PPP6R2: variants seen among roughly 807,000 people sequenced by gnomAD.
PPP6R2 encodes the protein serine/threonine-protein phosphatase 6 regulatory subunit 2.
PPP6R2 carries 62 observed loss-of-function variants against 100.2 expected under a neutral mutation model. The observed-to-expected ratio is 0.62, with a 90% CI of 0.50 to 0.76. The LOEUF (loss-of-function observed/expected upper bound fraction) is 0.76, where lower values mean the gene tolerates loss of function less well. Among genes scored for constraint, PPP6R2 ranks in the 30% least tolerant of loss-of-function variants. PPP6R2 has a pLI of 0.00. For synonymous variants in PPP6R2, 525 were observed against 514.7 expected (o/e 1.02, Z -0.27); for missense variants, 1,142 against 1,276.3 (o/e 0.89, Z 1.60).
intron 2 of PPP6R2, among the ~76,000 whole-genome samples, chr22:50,384,406 T>C (rs2053764832): frequency 6.6e-6 from 1 of 151,972 alleles, no homozygotes; most frequent in Admixed American, 6.6e-5. Context: ...ATACAAAAAA[T>C]TAGCCGGGCG....
At chr22:50,356,945 A>G (rs1001843667) in intron 1 of PPP6R2, among the ~76,000 whole-genome samples, 3 of 149,668 alleles carry the variant, frequency 2.0e-5, no homozygotes, top group Non-Finnish European at 3.0e-5. Flanking sequence ...AAAAAAAAAC[A>G]AAAAAGCAAA....
Position 50,414,517 on chromosome 22 carries a change from G to A in PPP6R2, c.415-35G>A, listed in dbSNP as rs112469569. On this transcript the variant is annotated intron_variant, in intron 4 of 23. Transcript: ENST00000612753. ...GAGGTGTCTCAGGGTTGTCAGGGTC[G>A]GCCCCGCCTGCCTCTCAGGTGTGTG... 6.8e-5 allele frequency: 110 copies of A among 1,607,116 alleles called. 1 individual carries two copies. Among genetic ancestry groups the A allele is most frequent in the African/African-American group, 5.9e-4 (44 of 74,878 alleles).
Position 50,444,551 on chromosome 22 carries a change from AGG to A in PPP6R2, c.*305_*306del. ...GGGTGGGGGTGGGGGTGGGGGGGGC[AGG>A]ACCCTGAGATGCCACCAGGACCTGA... On this transcript the variant is annotated 3_prime_UTR_variant, in exon 24 of 24. Transcript: ENST00000612753. 1 of 360,216 alleles carries A rather than the reference AGG, an allele frequency of 2.8e-6. No individual in the cohort carries two copies. The highest frequency in any genetic ancestry group is 5.0e-6 in the Non-Finnish European group (1 of 200,868). The allele number at this position is 360,216 out of a possible 1,614,324, so 22.3% of individuals were successfully genotyped here.
intron 3 of PPP6R2, 61 bp from the exon 4 acceptor site, chr22:50,406,600 TGCTTCCTAAGAAGCAGACTATGTAAGCA>T: frequency 4.7e-6 from 6 of 1,267,944 alleles, no homozygotes; most frequent in Non-Finnish European, 6.7e-6. Context: ...CACGTGGGTC[TGCTTCCTAAGAAGCAGACTATGTAAGCA>T]GCTTCCTAAG....
In PPP6R2 at chr22:50,431,306, C is replaced by T. The variant is rs556410526; in HGVS notation, c.1259C>T (p.Pro420Leu). The T allele has an allele frequency of 1.7e-5, 28 of 1,613,328 alleles. No individual in the cohort carries two copies. The highest frequency in any genetic ancestry group is 1.1e-4 in the African/African-American group (8 of 75,048). Reference sequence around the variant, plus strand: ...GGATCCGAGAGCAGGGTGGAGCCTCCGCATGAGAACGGGAACCGGAGCCTG... The same window carrying T: ...GGATCCGAGAGCAGGGTGGAGCCTCTGCATGAGAACGGGAACCGGAGCCTG... ...ASGSESRVEPPHENGNRSLET... is the reference protein window; with the variant it reads ...ASGSESRVEPLHENGNRSLET... The change falls in exon 11 of 24, where the codon CCG becomes CTG. Residue 420 changes from proline to leucine, a missense_variant. Transcript: ENST00000612753. The surrounding 1 kb of genome is among the most constrained non-coding windows in gnomAD (Gnocchi z 4.8).
At chr22:50,364,777 T>G (rs2048411914) in intron 1 of PPP6R2, among the ~76,000 whole-genome samples, 1 of 152,138 alleles carries the variant, frequency 6.6e-6, no homozygotes, top group Non-Finnish European at 1.5e-5. Flanking sequence ...TTAGATAGTT[T>G]TGGTACGGTT....
chr22:50,380,231 C>CCT lies in PPP6R2; in HGVS notation c.-17+8081_-17+8082insCT, dbSNP rs577013335. Among the ~76,000 whole-genome samples, 364 of 142,700 alleles carry CCT rather than the reference C, an allele frequency of 2.6e-3. 2 individuals are homozygous for CCT. Among genetic ancestry groups the CCT allele is most frequent in the Non-Finnish European group, 4.0e-3 (258 of 64,702 alleles). 93.6% of individuals were successfully genotyped at this position (142,700 alleles called of 152,430 possible). On this transcript the variant is annotated intron_variant, in intron 2 of 23. Coordinates refer to ENST00000612753, the MANE Select transcript of PPP6R2 (RefSeq NM_001242898.2). ...AGAAAGAGAAGGTGCCAGTCTTTTTCTTTTTTTTTTTTGGTATTTTTAGTA... is the reference window on the plus strand; with the variant it reads ...AGAAAGAGAAGGTGCCAGTCTTTTTCCTTTTTTTTTTTTTGGTATTTTTAGTA...
upstream of PPP6R2, among the ~76,000 whole-genome samples, chr22:50,340,055 G>A (rs1329390492): frequency 1.5e-5 from 2 of 137,630 alleles, no homozygotes; most frequent in African/African-American, 5.3e-5. Flanking sequence ...TTAGGGTGTG[G>A]TGTGTGGTGT....
intron 2 of PPP6R2, among the ~76,000 whole-genome samples, chr22:50,383,263 G>A (rs746504425): frequency 1.2e-4 from 19 of 152,174 alleles, no homozygotes; most frequent in Non-Finnish European, 2.4e-4. Context: ...TTGGTAGGGT[G>A]CCCATCAGCC....
intron 4 of PPP6R2, among the ~76,000 whole-genome samples, chr22:50,413,824 C>A (rs575450233): frequency 1.3e-5 from 2 of 152,124 alleles, no homozygotes; most frequent in South Asian, 4.1e-4. Flanking sequence ...TGGGTCTACC[C>A]CAGCCCCCAG....
At chr22:50,413,942 G>A (rs1411597775) in intron 4 of PPP6R2, among the ~76,000 whole-genome samples, 2 of 152,248 alleles carry the variant, frequency 1.3e-5, no homozygotes, top group Non-Finnish European at 2.9e-5. Context: ...TCCGCCGTCT[G>A]AGCAGCCCAC....
chr22:50,339,420 G>A (rs548907638), upstream of PPP6R2, among the ~76,000 whole-genome samples: 6 of 133,260 alleles, frequency 4.5e-5, no homozygotes, highest in East Asian at 8.9e-4. Flanking sequence ...TGTGTAGGGT[G>A]TGTGGTGTGT....
At chr22:50,392,080 C>T (rs975583072) in intron 2 of PPP6R2, 6 of 152,030 alleles carry the variant, frequency 3.9e-5, no homozygotes, top group African/African-American at 7.2e-5. Context: ...TGGAGGCAGC[C>T]ATCTTTTCCT....
At chr22:50,434,039 C>T (rs2063669865) in intron 12 of PPP6R2, among the ~76,000 whole-genome samples, 1 of 59,224 alleles carries the variant, frequency 1.7e-5, no homozygotes, top group African/African-American at 7.2e-5. Flanking sequence ...GGGCCGGGGG[C>T]GCGGACGCTG....
Position 50,440,952 on chromosome 22 carries a change from T to C in PPP6R2, c.2505T>C (p.Asp835=), listed in dbSNP as rs759149208. The C allele has an allele frequency of 1.9e-6, 3 of 1,613,214 alleles. No homozygotes were observed. In the East Asian group the frequency reaches 6.7e-5, roughly 36 times the overall value. ...ACCAGAAGGCAGCGAGTGCCATGGA[T>C]GCGGTGAGCAGGGGTCCCGGCCGGG... ...DGDQKAASAM[D]AVSRGPGREA... Residue 835 remains aspartate, a synonymous_variant, in exon 22 of 24, where the codon GAT becomes GAC. Coordinates refer to ENST00000612753, the MANE Select transcript of PPP6R2 (RefSeq NM_001242898.2).
At chr22:50,432,403 T>C in intron 12 of PPP6R2, 74 bp downstream of exon 12, 1 of 1,364,406 alleles carries the variant, frequency 7.3e-7, no homozygotes, top group Admixed American at 2.0e-5. Context: ...ACCCAAGCCC[T>C]GGTGACGCTG....
At chr22:50,395,489 G>A (rs777219299) in intron 3 of PPP6R2, among the ~76,000 whole-genome samples, 2 of 152,178 alleles carry the variant, frequency 1.3e-5, no homozygotes, top group African/African-American at 4.8e-5. Flanking sequence ...ATACATACAG[G>A]TTAGCAAACC....
intron 1 of PPP6R2, among the ~76,000 whole-genome samples, chr22:50,370,609 G>A (rs1024989834): frequency 1.3e-5 from 2 of 150,872 alleles, no homozygotes; most frequent in African/African-American, 4.9e-5. Flanking sequence ...AAAGAAAAAA[G>A]TTTAAAAGTA....
At chr22:50,360,418 G>A (rs1261928915) in intron 1 of PPP6R2, among the ~76,000 whole-genome samples, 1 of 149,296 alleles carries the variant, frequency 6.7e-6, no homozygotes, top group African/African-American at 2.5e-5. Context: ...CAAGTGGTAT[G>A]AACACATGAT....
Sources: allele counts gnomAD v4.1 joint callset (sites outside exome capture counted in the v4.1 genomes callset), GRCh38; gene constraint gnomAD v4.1.1; non-coding constraint Gnocchi (gnomAD v3.1); transcripts MANE v1.5; gene names NCBI Gene and HGNC (gene_info 2026-07-23, HGNC 2026-07-21).